The following VWA8 variants were observed in gnomAD, a reference collection of about 807,000 sequenced individuals.
VWA8 encodes von Willebrand factor A domain-containing protein 8.
Under a neutral mutation model 241.5 loss-of-function variants are expected in VWA8, and 221 were observed. The ratio of observed to expected loss-of-function variants is 0.91; its 90% CI spans 0.82 to 1.02. The LOEUF is 1.02. Ranked by LOEUF, VWA8 falls within the 50% of genes least tolerant of loss-of-function variation. The probability of loss-of-function intolerance (pLI) is 0.00; values close to 1 mark genes in which losing one functional copy is unlikely to be tolerated. For missense variants in VWA8, 2,322 were observed against 2,328.7 expected (o/e 1.00, Z 0.06); for synonymous variants, 852 against 827.1 (o/e 1.03, Z -0.52).
chr13:41,872,311 T>C (rs1188571653), intron 9 of VWA8, among the ~76,000 whole-genome samples: 1 of 152,248 alleles, frequency 6.6e-6, no homozygotes, highest in Non-Finnish European at 1.5e-5. Flanking sequence ...TTTAGTTTAA[T>C]TAGATCCCAT....
chr13:41,684,452 G>T (rs1030826395), intron 35 of VWA8, among the ~76,000 whole-genome samples: 1 of 152,156 alleles, frequency 6.6e-6, no homozygotes, highest in East Asian at 1.9e-4. Flanking sequence ...GGGATTAGAA[G>T]ATTGTGGTGC....
At chr13:41,943,760 C>T (rs1877709039) in intron 2 of VWA8, among the ~76,000 whole-genome samples, 1 of 152,032 alleles carries the variant, frequency 6.6e-6, no homozygotes, top group Non-Finnish European at 1.5e-5. Flanking sequence ...GGCCAATAAG[C>T]ACAGAAAAAT....
chr13:41,606,409 T>G (rs755971257), intron 39 of VWA8, among the ~76,000 whole-genome samples: 1 of 152,178 alleles, frequency 6.6e-6, no homozygotes, highest in Non-Finnish European at 1.5e-5. Context: ...TTTACAGTGT[T>G]GTATCCATAA....
chr13:41,948,968 C>T (rs184591755), intron 2 of VWA8, among the ~76,000 whole-genome samples: 9 of 138,900 alleles, frequency 6.5e-5, no homozygotes, highest in Non-Finnish European at 1.4e-4. Context: ...TACACACATA[C>T]AACCATACCA....
rs1259535758 is a variant in VWA8 at position 41,811,273 on chromosome 13, T to A, written c.2015A>T (p.Tyr672Phe). The A allele has an allele frequency of 6.2e-7, 1 of 1,611,366 alleles. No individual in the cohort carries two copies. The highest frequency in any genetic ancestry group is 1.7e-5 in the Admixed American group (1 of 59,966). Residue 672 changes from tyrosine (Y) to phenylalanine (F), a missense_variant, in exon 17 of 45, where the codon TAT becomes TTT. Tyr to Phe is a conservative substitution (Grantham distance 22, BLOSUM62 3). Transcript: ENST00000379310. Reference sequence around the variant, plus strand: ...AGCACTGTGAAGATTTTCATTAGGATACTGTGACAGCCGACGAGAAATTCG... The same window carrying A: ...AGCACTGTGAAGATTTTCATTAGGAAACTGTGACAGCCGACGAGAAATTCG... ...LLRISRRLSQ[Y>F]PNENLHSAVT...
intron 9 of VWA8, among the ~76,000 whole-genome samples, chr13:41,870,073 A>G (rs924616528): frequency 1.3e-5 from 2 of 152,130 alleles, no homozygotes; most frequent in Admixed American, 6.6e-5. Context: ...TTTTGATGTC[A>G]TAAGTACTCA....
chr13:41,862,323 A>G (rs1008407944), intron 12 of VWA8, among the ~76,000 whole-genome samples: 1 of 152,244 alleles, frequency 6.6e-6, no homozygotes, highest in African/African-American at 2.4e-5. Flanking sequence ...CTTAAATCTA[A>G]GACCTAAAAC....
At chr13:41,651,707 T>TA (rs144418163) in intron 37 of VWA8, among the ~76,000 whole-genome samples, 2,765 of 152,336 alleles carry the variant, frequency 0.018, 35 homozygotes, top group Middle Eastern at 0.061. Flanking sequence ...TTCCAACTGT[T>TA]AAAGTTTTTT....
chr13:41,625,040 G>A (rs1221181478), intron 37 of VWA8, among the ~76,000 whole-genome samples: 2 of 151,984 alleles, frequency 1.3e-5, no homozygotes, highest in Non-Finnish European at 2.9e-5. Context: ...CCAAGCTGAC[G>A]GCCAAATCAA....
intron 17 of VWA8, among the ~76,000 whole-genome samples, chr13:41,805,600 G>A (rs1207981167): frequency 6.6e-6 from 1 of 151,922 alleles, no homozygotes; most frequent in Admixed American, 6.6e-5. Flanking sequence ...GATCACCTGA[G>A]GTTGGGAGTT....
rs547844389 is a variant in VWA8 at position 41,739,253 on chromosome 13, G to T, written c.2427-7098C>A. Reference sequence around the variant, plus strand: ...TTTTGCATGAGATTAAATATCAAAAGACATTTTGTCACAGGCAATTCAAAG... The same window carrying T: ...TTTTGCATGAGATTAAATATCAAAATACATTTTGTCACAGGCAATTCAAAG... On this transcript the variant is annotated intron_variant, in intron 21 of 44. Transcript: ENST00000379310. Among the ~76,000 whole-genome samples the T allele has an allele frequency of 7.9e-5, 12 of 152,162 alleles. No homozygotes were observed. In the East Asian group the frequency reaches 1.9e-3, roughly 24 times the overall value.
chr13:41,620,597 G>T (rs1188705404), intron 37 of VWA8, among the ~76,000 whole-genome samples: 1 of 151,966 alleles, frequency 6.6e-6, no homozygotes, highest in Middle Eastern at 3.2e-3. Context: ...GCTTTCTCTT[G>T]TGGGCATTTA....
At chr13:41,805,230 A>G (rs192530028) in intron 17 of VWA8, among the ~76,000 whole-genome samples, 1 of 152,326 alleles carries the variant, frequency 6.6e-6, no homozygotes, top group African/African-American at 2.4e-5. Context: ...TTCCATGCCA[A>G]ATGAAACAAA....
At chr13:41,862,488 T>G (rs941773780) in intron 12 of VWA8, among the ~76,000 whole-genome samples, 1 of 152,154 alleles carries the variant, frequency 6.6e-6, no homozygotes, top group South Asian at 2.1e-4. Context: ...CAAAAGGAGC[T>G]ATCAGCAAAG....
chr13:41,949,031 TAAAA>T, intron 2 of VWA8, among the ~76,000 whole-genome samples: 1 of 63,400 alleles, frequency 1.6e-5, no homozygotes, highest in Non-Finnish European at 2.9e-5. Context: ...TCTACCATCA[TAAAA>T]AAAAAAAAAA....
chr13:41,721,935 C>T (rs982405101), intron 24 of VWA8, among the ~76,000 whole-genome samples: 5 of 151,926 alleles, frequency 3.3e-5, no homozygotes, highest in African/African-American at 1.2e-4. Context: ...ATTTATTTTT[C>T]CAGACCTGTA....
chr13:41,676,953 T>C (rs750903538), intron 35 of VWA8, among the ~76,000 whole-genome samples: 13 of 151,846 alleles, frequency 8.6e-5, no homozygotes, highest in Non-Finnish European at 1.6e-4. Flanking sequence ...TTTTTATGTT[T>C]CTCAAAAAAA....
intron 34 of VWA8, among the ~76,000 whole-genome samples, 160 bp downstream of exon 34, chr13:41,689,194 G>A (rs548913465): frequency 6.6e-5 from 10 of 152,128 alleles, no homozygotes; most frequent in African/African-American, 2.4e-4. Context: ...AACTATTTAG[G>A]TATAACATAT....
intron 37 of VWA8, among the ~76,000 whole-genome samples, chr13:41,639,843 T>C (rs2044784024): frequency 1.3e-5 from 2 of 151,506 alleles, no homozygotes; most frequent in Admixed American, 6.6e-5. Context: ...GGTGAGAAAA[T>C]AATGAGAAAA....
Sources: allele counts gnomAD v4.1 joint callset (sites outside exome capture counted in the v4.1 genomes callset), GRCh38; gene constraint gnomAD v4.1.1; transcripts MANE v1.5; gene names NCBI Gene and HGNC (gene_info 2026-07-23, HGNC 2026-07-21).